Variants in QTGAL observed in about 807,000 individuals in gnomAD.
QTGAL encodes the protein queuosine-tRNA galactosyltransferase.
the QTGAL span, among the ~76,000 whole-genome samples, chr17:82,971,653 C>A: frequency 8.8e-6 from 1 of 113,010 alleles, no homozygotes; most frequent in Non-Finnish European, 1.8e-5. Context: ...CCGACCACAC[C>A]ACACCACAGG....
chr17:82,981,524 A>G, the QTGAL span: 1 of 152,248 alleles, frequency 6.6e-6, no homozygotes. Flanking sequence ...CATTATCTTC[A>G]TGCTCCTGGA....
chr17:83,015,706 G>A, the QTGAL span, among the ~76,000 whole-genome samples: 3 of 152,246 alleles, frequency 2.0e-5, no homozygotes, highest in African/African-American at 7.2e-5. This position sits in a 1 kb window ranked among gnomAD's most constrained non-coding sequence, Gnocchi z 4.4. Context: ...CACGGCCTGA[G>A]CTGCCCCTCC....
At chr17:82,942,249 T>C in the QTGAL span, 1 of 634,608 alleles carries the variant, frequency 1.6e-6, no homozygotes, top group African/African-American at 1.8e-5. Context: ...CCAGATGGGG[T>C]GCCCTTCCGA....
chr17:83,006,739 G>A, the QTGAL span: 2 of 985,490 alleles, frequency 2.0e-6, no homozygotes, highest in Non-Finnish European at 2.4e-6. This position sits in a 1 kb window ranked among gnomAD's most constrained non-coding sequence, Gnocchi z 5.8. Flanking sequence ...TCCCAGGACA[G>A]GCTTCCAGTC....
At chr17:82,972,439 C>A in the QTGAL span, among the ~76,000 whole-genome samples, 18 of 115,872 alleles carry the variant, frequency 1.6e-4, no homozygotes, top group East Asian at 3.0e-4. Context: ...ACCACAGGGG[C>A]TAGAAGGACC....
At chr17:82,948,669 G>A in the QTGAL span, 1 of 152,288 alleles carries the variant, frequency 6.6e-6, no homozygotes, top group South Asian at 2.1e-4. Flanking sequence ...CACACGCCAT[G>A]AGGGTTGGCC....
chr17:83,009,197 G>A, the QTGAL span, among the ~76,000 whole-genome samples: 6 of 152,124 alleles, frequency 3.9e-5, no homozygotes, highest in Admixed American at 1.3e-4. Context: ...GCAGAGGCGG[G>A]TGGATCACGA....
At chr17:82,958,130 G>GTGCC in the QTGAL span, among the ~76,000 whole-genome samples, 1 of 152,140 alleles carries the variant, frequency 6.6e-6, no homozygotes, top group Non-Finnish European at 1.5e-5. Flanking sequence ...CTGCCTGTGT[G>GTGCC]TGCCTCTCCC....
At chr17:82,978,589 C>A in the QTGAL span, 1 of 152,150 alleles carries the variant, frequency 6.6e-6, no homozygotes, top group African/African-American at 2.4e-5. This position sits in a 1 kb window ranked among gnomAD's most constrained non-coding sequence, Gnocchi z 4.8. Flanking sequence ...ATTTCCTGCA[C>A]GCAACACCAG....
the QTGAL span, chr17:83,011,541 A>C: frequency 1.3e-5 from 2 of 152,258 alleles, no homozygotes; most frequent in Non-Finnish European, 2.9e-5. Flanking sequence ...GATTTCTAAA[A>C]AATCCAGCCA....
At chr17:82,961,593 A>G in the QTGAL span, among the ~76,000 whole-genome samples, 2 of 152,006 alleles carry the variant, frequency 1.3e-5, no homozygotes, top group Non-Finnish European at 2.9e-5. Flanking sequence ...AGCTCAAGGG[A>G]CTCAAAGTGC....
chr17:83,015,518 C>A, the QTGAL span, among the ~76,000 whole-genome samples: 1 of 152,232 alleles, frequency 6.6e-6, no homozygotes, highest in African/African-American at 2.4e-5. The surrounding 1 kb of genome is among the most constrained non-coding windows in gnomAD (Gnocchi z 4.4). Context: ...AGAAGCAAGA[C>A]ACAAGAATAT....
At chr17:82,984,479 A>G in the QTGAL span, among the ~76,000 whole-genome samples, 24 of 29,376 alleles carry the variant, frequency 8.2e-4, no homozygotes, top group African/African-American at 3.3e-3. Context: ...GTGATTATGC[A>G]GGGGAGAGGC....
At chr17:82,972,706 C>T in the QTGAL span, among the ~76,000 whole-genome samples, 66 of 119,868 alleles carry the variant, frequency 5.5e-4, no homozygotes, top group South Asian at 1.1e-3. Flanking sequence ...CCACAGGGGC[C>T]AGAAGGACCT....
chr17:82,972,673 G>A, the QTGAL span, among the ~76,000 whole-genome samples: 1 of 124,500 alleles, frequency 8.0e-6, no homozygotes, highest in Non-Finnish European at 1.6e-5. Context: ...GGGCCAGAAG[G>A]ACCCGGTACT....
the QTGAL span, among the ~76,000 whole-genome samples, chr17:82,977,520 C>T: frequency 6.6e-6 from 1 of 152,148 alleles, no homozygotes; most frequent in East Asian, 1.9e-4. Flanking sequence ...TTTAAAAGCA[C>T]TCATGGGTAT....
the QTGAL span, among the ~76,000 whole-genome samples, chr17:83,040,293 G>A: frequency 6.6e-6 from 1 of 152,156 alleles, no homozygotes; most frequent in African/African-American, 2.4e-5. Context: ...CCTAAAATCT[G>A]TAGGAACCCG....
the QTGAL span, among the ~76,000 whole-genome samples, chr17:83,027,705 A>AC: frequency 1.3e-5 from 2 of 150,126 alleles, no homozygotes; most frequent in African/African-American, 4.9e-5. Context: ...CTCTCAAAAA[A>AC]AAAAAAAAAA....
the QTGAL span, among the ~76,000 whole-genome samples, chr17:83,039,887 G>A: frequency 6.6e-6 from 1 of 152,206 alleles, no homozygotes; most frequent in Admixed American, 6.5e-5. Flanking sequence ...CCCCGCAGGT[G>A]AGCCTGTGAT....
Sources: gnomAD v4.1 joint callset for allele counts (sites outside exome capture counted in the v4.1 genomes callset) on GRCh38, gnomAD v4.1.1 for gene constraint, Gnocchi (gnomAD v3.1) non-coding constraint, MANE v1.5 for transcripts, NCBI Gene and HGNC (gene_info 2026-07-23, HGNC 2026-07-21) for gene names.